The following FIBCD1 variants were observed in gnomAD, a reference collection of about 807,000 sequenced individuals.
The protein encoded by FIBCD1 is fibrinogen C domain containing 1.
FIBCD1 carries 47 observed loss-of-function variants against 45.1 expected under a neutral mutation model. That is an observed-to-expected ratio of 1.04 (90% confidence interval 0.82 to 1.33). The LOEUF (loss-of-function observed/expected upper bound fraction) is 1.33. Ranked by LOEUF, FIBCD1 falls within the 40% of genes most tolerant of loss-of-function variation. The pLI is 0.00. For synonymous variants in FIBCD1, 313 were observed against 308.1 expected, an observed-to-expected ratio of 1.02 and a Z score of -0.17; for missense variants, 653 against 682.2, an observed-to-expected ratio of 0.96 and a Z score of 0.48.
At chr9:130,910,730 A>G (rs1832022523) in intron 5 of FIBCD1, among the ~76,000 whole-genome samples, 1 of 152,018 alleles carries the variant, frequency 6.6e-6, no homozygotes, top group Admixed American at 6.5e-5. Context: ...TGCACCAATC[A>G]ACACTCTGTA....
chr9:130,910,549 C>T (rs1017236508), intron 5 of FIBCD1, among the ~76,000 whole-genome samples: 4 of 152,270 alleles, frequency 2.6e-5, no homozygotes, highest in South Asian at 2.1e-4. Flanking sequence ...CCTGCAGTCC[C>T]GGTGCGGGAT....
intron 1 of FIBCD1, among the ~76,000 whole-genome samples, chr9:130,933,677 A>G (rs1474515994): frequency 2.4e-5 from 3 of 122,564 alleles, no homozygotes; most frequent in Non-Finnish European, 4.7e-5. Flanking sequence ...TGTCCAGGCT[A>G]CCTTCTCTGA....
chr9:130,906,531 G>A (rs961339408), intron 5 of FIBCD1, among the ~76,000 whole-genome samples: 3 of 152,174 alleles, frequency 2.0e-5, no homozygotes, highest in African/African-American at 4.8e-5. Flanking sequence ...CACGACCCAC[G>A]TTCCTCCCCA....
chr9:130,912,392 C>CAAAAAAAAA (rs61490832), intron 4 of FIBCD1, among the ~76,000 whole-genome samples: 1 of 75,740 alleles, frequency 1.3e-5, no homozygotes, highest in Non-Finnish European at 2.4e-5. Context: ...GGCTCTCTCT[C>CAAAAAAAAA]AAAAAAAAAA....
intron 1 of FIBCD1, among the ~76,000 whole-genome samples, chr9:130,935,393 G>A (rs925779485): frequency 1.3e-5 from 2 of 152,182 alleles, no homozygotes; most frequent in Admixed American, 1.3e-4. Flanking sequence ...CAAACTCCTG[G>A]CAAATACCGT....
intron 5 of FIBCD1, among the ~76,000 whole-genome samples, chr9:130,909,738 T>G (rs1018259016): frequency 2.7e-5 from 4 of 150,800 alleles, no homozygotes; most frequent in Non-Finnish European, 4.4e-5. Context: ...GTTTAGAATA[T>G]TTTGTTTAGA....
chr9:130,904,190 AT>A lies in FIBCD1; in HGVS notation c.1259del (p.Asn420MetfsTer33). 2 of 1,613,700 alleles carry A rather than the reference AT, an allele frequency of 1.2e-6. No individual in the cohort carries two copies. Among genetic ancestry groups the A allele is most frequent in the Non-Finnish European group, 1.7e-6 (2 of 1,179,998 alleles). On this transcript the variant is annotated frameshift_variant, in exon 7 of 7. Transcript: ENST00000372338. LOFTEE classifies it high-confidence loss of function. Reference protein sequence around the residue: ...WYRNCHTSNLNGQYLRGAHAS... With the variant: ...WYRNCHTSNLXGQYLRGAHAS... ...CGTGCGCACCGCGCAGGTACTGCCCATTGAGGTTGGACGTGTGGCAGTTGCG... is the reference window on the plus strand; with the variant it reads ...CGTGCGCACCGCGCAGGTACTGCCCATGAGGTTGGACGTGTGGCAGTTGCG...
intron 4 of FIBCD1, among the ~76,000 whole-genome samples, chr9:130,919,916 G>T (rs1380282242): frequency 6.6e-6 from 1 of 152,210 alleles, no homozygotes; most frequent in East Asian, 1.9e-4. Flanking sequence ...GTCAGGCCTG[G>T]GGGGCAGCAC....
At chr9:130,938,503 G>A in intron 1 of FIBCD1, 33 bp downstream of exon 1, 1 of 1,469,682 alleles carries the variant, frequency 6.8e-7, no homozygotes, top group Non-Finnish European at 9.0e-7. Context: ...CTGGCCAGCC[G>A]CCCAGGCCCC....
chr9:130,940,455 G>A (rs1323771366), upstream of FIBCD1, among the ~76,000 whole-genome samples: 2 of 152,254 alleles, frequency 1.3e-5, no homozygotes, highest in African/African-American at 4.8e-5. Flanking sequence ...TCCAATTCTG[G>A]CCTCTGGCCC....
At chr9:130,921,887 T>C (rs7862027) in intron 4 of FIBCD1, among the ~76,000 whole-genome samples, 66,144 of 152,176 alleles carry the variant, frequency 0.43, 16,155 homozygotes, top group Non-Finnish European at 0.56. Context: ...GGTTTAGAGA[T>C]GTGTCTGTCT....
At chr9:130,915,953 CACAG>C (rs1271851024) in intron 4 of FIBCD1, among the ~76,000 whole-genome samples, 1 of 142,710 alleles carries the variant, frequency 7.0e-6, no homozygotes, top group Admixed American at 7.4e-5. Flanking sequence ...TTTCTTTTGA[CACAG>C]AGTGTTACTC....
At chr9:130,934,630 C>A (rs1160297908) in intron 1 of FIBCD1, among the ~76,000 whole-genome samples, 1 of 152,194 alleles carries the variant, frequency 6.6e-6, no homozygotes, top group Non-Finnish European at 1.5e-5. Flanking sequence ...ACCCTCCCCG[C>A]GACATACAGC....
Position 130,929,948 on chromosome 9 carries a change from G to A in FIBCD1, c.171C>T (p.Ala57=), listed in dbSNP as rs1173594247. ...VTGAVLFLNH[A]HAPGTAPPPV... ...GTGGGGGCGCCGTGCCCGGCGCGTG[G>A]GCGTGGTTCAGGAAGAGCACGGCAC... The change falls in exon 2 of 7, where the codon GCC becomes GCT. Residue 57 remains alanine, a synonymous_variant. Transcript: ENST00000372338. 1 of 1,549,260 alleles carries A rather than the reference G, an allele frequency of 6.5e-7. No individual in the cohort carries two copies. The highest frequency in any genetic ancestry group is 1.4e-5 in the African/African-American group (1 of 73,110).
chr9:130,912,076 C>CA (rs1458299097), intron 4 of FIBCD1, among the ~76,000 whole-genome samples, 188 bp from the exon 5 acceptor site: 9 of 151,960 alleles, frequency 5.9e-5, no homozygotes, highest in African/African-American at 1.9e-4. Flanking sequence ...GCAGAGGTTC[C>CA]AGAGCCTCAT....
At chr9:130,911,248 A>G (rs1832037158) in intron 5 of FIBCD1, among the ~76,000 whole-genome samples, 1 of 152,170 alleles carries the variant, frequency 6.6e-6, no homozygotes, top group Admixed American at 6.5e-5. Flanking sequence ...CGAACATCAG[A>G]AGAAAAAAAC....
intron 5 of FIBCD1, among the ~76,000 whole-genome samples, chr9:130,909,383 C>T (rs1477564088): frequency 2.6e-5 from 4 of 152,164 alleles, no homozygotes; most frequent in Admixed American, 6.5e-5. Context: ...AGATGACACT[C>T]GGGGCACACA....
chr9:130,929,424 C>T (rs1387639662), intron 2 of FIBCD1, 143 bp downstream of exon 2: 3 of 1,107,902 alleles, frequency 2.7e-6, no homozygotes, highest in Non-Finnish European at 3.6e-6. Flanking sequence ...ATGGGCTTGT[C>T]TGTAGATGGG....
At chr9:130,936,926 A>G (rs2133129415) in intron 1 of FIBCD1, among the ~76,000 whole-genome samples, 1 of 152,182 alleles carries the variant, frequency 6.6e-6, no homozygotes, top group Admixed American at 6.5e-5. Context: ...AGGTGGCAGC[A>G]TTTGAGCTTG....
Sources: allele counts gnomAD v4.1 joint callset (sites outside exome capture counted in the v4.1 genomes callset), GRCh38; gene constraint gnomAD v4.1.1; transcripts MANE v1.5; gene names NCBI Gene and HGNC (gene_info 2026-07-23, HGNC 2026-07-21).